TMEM196: variants seen among roughly 807,000 people sequenced by gnomAD.
The protein encoded by TMEM196 is transmembrane protein 196.
TMEM196 carries 17 observed loss-of-function variants against 20.0 expected under a neutral mutation model. The ratio of observed to expected loss-of-function variants is 0.85; its 90% CI spans 0.58 to 1.27. The LOEUF (loss-of-function observed/expected upper bound fraction) is 1.27. TMEM196 is among the 50% of genes most tolerant of loss of function. TMEM196 has a pLI of 0.00. For missense variants in TMEM196, 267 were observed against 223.0 expected (o/e 1.20, Z -1.26); for synonymous variants, 113 against 88.9 (o/e 1.27, Z -1.52).
At chr7:19,742,349 A>G (rs561461368) in intron 1 of TMEM196, among the ~76,000 whole-genome samples, 65 of 152,210 alleles carry the variant, frequency 4.3e-4, no homozygotes, top group Admixed American at 7.2e-4. Flanking sequence ...AGCTGTTGCC[A>G]TCTTTTTTGT....
intron 1 of TMEM196, among the ~76,000 whole-genome samples, chr7:19,763,868 G>A (rs7779902): frequency 0.26 from 39,447 of 151,800 alleles, 6,794 homozygotes; most frequent in East Asian, 0.59. Flanking sequence ...TAGTATTTCT[G>A]TTTTGCAGAT....
chr7:19,759,400 T>C (rs1487604241), intron 1 of TMEM196, among the ~76,000 whole-genome samples: 1 of 152,184 alleles, frequency 6.6e-6, no homozygotes, highest in Non-Finnish European at 1.5e-5. Flanking sequence ...TCTCTAAATA[T>C]TACAGTAACT....
chr7:19,756,403 T>C (rs1362400339), intron 1 of TMEM196, among the ~76,000 whole-genome samples: 1 of 152,082 alleles, frequency 6.6e-6, no homozygotes, highest in African/African-American at 2.4e-5. Context: ...GGAGTACATC[T>C]GCAGGTTTGT....
chr7:19,734,924 A>C (rs565471359), intron 1 of TMEM196, among the ~76,000 whole-genome samples: 1 of 152,352 alleles, frequency 6.6e-6, no homozygotes, highest in Admixed American at 6.5e-5. Flanking sequence ...GCTATCAGAC[A>C]GGAAAGGAAT....
chr7:19,754,920 C>T (rs1219286952), intron 1 of TMEM196, among the ~76,000 whole-genome samples: 1 of 152,162 alleles, frequency 6.6e-6, no homozygotes, highest in African/African-American at 2.4e-5. Flanking sequence ...ATGAAAATCA[C>T]AGCTGATACA....
intron 2 of TMEM196, 33 bp downstream of exon 2, chr7:19,729,349 T>C (rs1290438059): frequency 6.5e-7 from 1 of 1,543,356 alleles, no homozygotes; most frequent in African/African-American, 1.4e-5. Flanking sequence ...TTCATACACC[T>C]CAATGCACAA....
intron 1 of TMEM196, among the ~76,000 whole-genome samples, chr7:19,755,269 T>C (rs535536331): frequency 7.8e-4 from 119 of 152,342 alleles, no homozygotes; most frequent in Non-Finnish European, 1.5e-3. Flanking sequence ...ATTATATATC[T>C]GTCATTGCAA....
chr7:19,722,850 CAT>C (rs1480778801), intron 4 of TMEM196, among the ~76,000 whole-genome samples: 1 of 151,914 alleles, frequency 6.6e-6, no homozygotes, highest in Non-Finnish European at 1.5e-5. Flanking sequence ...GCTTTTAATT[CAT>C]ATGTTTTGTT....
chr7:19,748,198 T>C (rs564992628), intron 1 of TMEM196, among the ~76,000 whole-genome samples: 1 of 125,952 alleles, frequency 7.9e-6, no homozygotes, highest in South Asian at 2.5e-4. Flanking sequence ...AGTTTATACA[T>C]AATGACAATA....
intron 1 of TMEM196, among the ~76,000 whole-genome samples, chr7:19,744,901 C>T (rs974462903): frequency 1.3e-5 from 2 of 151,764 alleles, no homozygotes; most frequent in Non-Finnish European, 2.9e-5. Flanking sequence ...CAAAAAAAGC[C>T]AACAACAACA....
chr7:19,760,792 A>G (rs1011640955), intron 1 of TMEM196, among the ~76,000 whole-genome samples: 6 of 152,186 alleles, frequency 3.9e-5, no homozygotes, highest in Non-Finnish European at 4.4e-5. Context: ...CTAGACCCTC[A>G]GGACAAAATC....
intron 1 of TMEM196, among the ~76,000 whole-genome samples, chr7:19,737,912 A>G (rs569982227): frequency 6.6e-6 from 1 of 152,068 alleles, no homozygotes; most frequent in South Asian, 2.1e-4. Context: ...ACAATTTTTT[A>G]AAATTAATTT....
intron 2 of TMEM196, 102 bp downstream of exon 2, chr7:19,729,280 T>A: frequency 3.0e-5 from 21 of 695,636 alleles, no homozygotes; most frequent in Non-Finnish European, 4.0e-5. Flanking sequence ...TGCCTCAAAC[T>A]AGCAATATTC....
intron 2 of TMEM196, among the ~76,000 whole-genome samples, chr7:19,728,395 T>C (rs1784074209): frequency 6.6e-6 from 1 of 152,192 alleles, no homozygotes; most frequent in African/African-American, 2.4e-5. Context: ...TACATTTTTT[T>C]CTAAAGGTTT....
chr7:19,733,143 C>T (rs1434131432), intron 1 of TMEM196, among the ~76,000 whole-genome samples: 3 of 152,090 alleles, frequency 2.0e-5, no homozygotes, highest in Non-Finnish European at 2.9e-5. Flanking sequence ...ATCCTCCAAG[C>T]GAACTTCATT....
rs1783787314 is a variant in TMEM196, at chr7:19,720,765, A to C, written c.*1363T>G. 6.6e-6 allele frequency: 1 copy of C among 151,928 alleles called. No individual in the cohort carries two copies. The highest frequency in any genetic ancestry group is 2.1e-4 in the South Asian group (1 of 4,832). 9.4% of individuals were successfully genotyped at this position (151,928 alleles called of 1,614,324 possible). A position where few individuals can be genotyped will look rare whatever the true frequency, so the allele number is the denominator to read the frequency against. On this transcript the variant is annotated 3_prime_UTR_variant, in exon 5 of 5. Coordinates refer to ENST00000405844, the MANE Select transcript of TMEM196 (RefSeq NM_001363562.2). ...AAGAATTCTTTCAGGATCTTTGGATATAGGCTTTCTTATATATGGACTGCC... is the reference window on the plus strand; with the variant it reads ...AAGAATTCTTTCAGGATCTTTGGATCTAGGCTTTCTTATATATGGACTGCC...
In TMEM196 at chr7:19,721,098, T is replaced by G. The variant is rs1439305292; in HGVS notation, c.*1030A>C. 2 of 151,922 alleles carry G rather than the reference T, an allele frequency of 1.3e-5. No individual in the cohort carries two copies. The highest frequency in any genetic ancestry group is 4.8e-5 in the African/African-American group (2 of 41,440). 9.4% of individuals were successfully genotyped at this position (151,922 alleles called of 1,614,324 possible). On this transcript the variant is annotated 3_prime_UTR_variant, in exon 5 of 5. Transcript: ENST00000405844. ...TACTACACTATTCAGATCACTCATC[T>G]TCATAAATATCACCCACAATGATAT...
At chr7:19,768,421 C>A (rs1324425469) in intron 1 of TMEM196, among the ~76,000 whole-genome samples, 1 of 152,002 alleles carries the variant, frequency 6.6e-6, no homozygotes, top group East Asian at 1.9e-4. Context: ...CAATAAAATT[C>A]TCAGGGATTT....
intron 2 of TMEM196, among the ~76,000 whole-genome samples, chr7:19,728,697 C>G (rs1457003650): frequency 6.6e-6 from 1 of 152,070 alleles, no homozygotes; most frequent in Admixed American, 6.6e-5. Flanking sequence ...GTAAAATAAA[C>G]CACACTTTTT....
Sources: gnomAD v4.1 joint callset for allele counts (sites outside exome capture counted in the v4.1 genomes callset) on GRCh38, gnomAD v4.1.1 for gene constraint, MANE v1.5 for transcripts, NCBI Gene and HGNC (gene_info 2026-07-23, HGNC 2026-07-21) for gene names.